Variants in NCKAP5 observed in about 807,000 individuals in gnomAD.
The protein encoded by NCKAP5 is nck-associated protein 5.
In NCKAP5, 92 loss-of-function variants were observed where a neutral mutation model predicts 167.0. The observed-to-expected ratio is 0.55, with a 90% CI of 0.47 to 0.66. The LOEUF is 0.66. Ranked by LOEUF, NCKAP5 falls within the 30% of genes least tolerant of loss-of-function variation. The pLI is 0.00. For synonymous variants in NCKAP5, 891 were observed against 877.4 expected, an observed-to-expected ratio of 1.02 and a Z score of -0.27; for missense variants, 2,378 against 2,315.0, an observed-to-expected ratio of 1.03 and a Z score of -0.56.
Position 133,119,325 on chromosome 2 carries a change from A to G in NCKAP5, c.341+10653T>C, listed in dbSNP as rs1223777021. 2.6e-5 allele frequency among the ~76,000 whole-genome samples: 4 copies of G among 152,072 alleles called. No individual in the cohort carries two copies. In the East Asian group the frequency reaches 5.8e-4, roughly 22 times the overall value. On this transcript the variant is annotated intron_variant, in intron 6 of 19. Coordinates refer to ENST00000409261, the MANE Select transcript of NCKAP5 (RefSeq NM_207363.3). ...GGCCCAGTTTTCCTTTTAATTTGCT[A>G]TAATTGTATCTATCCCACTGGCTCA...
At chr2:132,733,174 A>C (rs927707747) in intron 16 of NCKAP5, among the ~76,000 whole-genome samples, 1 of 152,192 alleles carries the variant, frequency 6.6e-6, no homozygotes, top group Admixed American at 6.5e-5. Context: ...GTGGTTTATC[A>C]AGGCCAATGA....
chr2:133,257,293 C>A (rs1048164501), intron 4 of NCKAP5, among the ~76,000 whole-genome samples: 6 of 152,058 alleles, frequency 3.9e-5, no homozygotes, highest in Non-Finnish European at 8.8e-5. Context: ...AAATTGCAAA[C>A]AACAAAAGAG....
chr2:133,123,240 G>GT (rs1459861240), intron 6 of NCKAP5: 1 of 152,460 alleles, frequency 6.6e-6, no homozygotes, highest in East Asian at 1.9e-4. Context: ...ATAAAGTAAT[G>GT]TTCAGCTTTC....
At chr2:132,686,638 T>C (rs559686075) in intron 19 of NCKAP5, among the ~76,000 whole-genome samples, 36 of 152,264 alleles carry the variant, frequency 2.4e-4, no homozygotes, top group South Asian at 1.9e-3. Flanking sequence ...GTCATCCTTT[T>C]CCCCCCTATC....
chr2:133,370,720 T>C (rs939555400), intron 3 of NCKAP5, among the ~76,000 whole-genome samples: 5 of 151,506 alleles, frequency 3.3e-5, no homozygotes, highest in Admixed American at 1.3e-4. Context: ...TTTTTTTGCA[T>C]TTTTTAAAAT....
intron 6 of NCKAP5, among the ~76,000 whole-genome samples, chr2:133,003,401 A>C (rs1299832290): frequency 2.0e-5 from 3 of 152,184 alleles, no homozygotes; most frequent in Non-Finnish European, 4.4e-5. Context: ...TCCAAGAGCA[A>C]ATTGTTCATG....
At chr2:132,776,457 T>C (rs1682555907) in intron 15 of NCKAP5, among the ~76,000 whole-genome samples, 1 of 152,202 alleles carries the variant, frequency 6.6e-6, no homozygotes, top group South Asian at 2.1e-4. Context: ...AAACACTAAA[T>C]GTGGCCTCTG....
the NCKAP5 span, among the ~76,000 whole-genome samples, chr2:133,661,816 T>TG: frequency 1.3e-5 from 2 of 152,208 alleles, no homozygotes; most frequent in Non-Finnish European, 2.9e-5. Flanking sequence ...TTGTGTTCAC[T>TG]GGTGCCTTAT....
intron 16 of NCKAP5, among the ~76,000 whole-genome samples, chr2:132,759,873 T>C (rs539820254): frequency 2.0e-5 from 3 of 152,008 alleles, no homozygotes; most frequent in Non-Finnish European, 4.4e-5. Flanking sequence ...AGCTTTTCTG[T>C]ATTTTTCTTT....
At chr2:133,292,332 G>A (rs964525209) in intron 4 of NCKAP5, among the ~76,000 whole-genome samples, 9 of 149,634 alleles carry the variant, frequency 6.0e-5, no homozygotes, top group African/African-American at 9.8e-5. Flanking sequence ...GCACTTTGTC[G>A]CTTCTTACTG....
At chr2:133,584,678 T>C in the NCKAP5 span, among the ~76,000 whole-genome samples, 6 of 152,062 alleles carry the variant, frequency 3.9e-5, no homozygotes, top group East Asian at 9.7e-4. Flanking sequence ...GCAGGAGAAT[T>C]GCTTGAACCC....
chr2:133,629,263 T>C, the NCKAP5 span, among the ~76,000 whole-genome samples: 4 of 152,058 alleles, frequency 2.6e-5, no homozygotes, highest in African/African-American at 9.7e-5. Flanking sequence ...ATATCCAGAA[T>C]CTACAAGGAA....
chr2:133,006,631 T>C (rs59176418), intron 6 of NCKAP5, among the ~76,000 whole-genome samples: 1 of 152,110 alleles, frequency 6.6e-6, no homozygotes, highest in Non-Finnish European at 1.5e-5. Context: ...ATTTTATTTT[T>C]TTTTTGACAC....
At chr2:132,743,961 T>A (rs1448111966) in intron 16 of NCKAP5, among the ~76,000 whole-genome samples, 1 of 151,866 alleles carries the variant, frequency 6.6e-6, no homozygotes, top group Non-Finnish European at 1.5e-5. Flanking sequence ...AAATATGTTA[T>A]AGTTATAACA....
chr2:133,536,826 T>G (rs527632592), intron 2 of NCKAP5, among the ~76,000 whole-genome samples: 1 of 152,158 alleles, frequency 6.6e-6, no homozygotes, highest in Non-Finnish European at 1.5e-5. Context: ...ATGTCCAAGC[T>G]ATCTGTTTTT....
intron 19 of NCKAP5, among the ~76,000 whole-genome samples, chr2:132,676,638 A>G (rs1684535219): frequency 6.6e-6 from 1 of 152,210 alleles, no homozygotes; most frequent in Admixed American, 6.5e-5. Flanking sequence ...TAATGTGTTA[A>G]TGATCTATCT....
At chr2:133,321,141 G>T (rs974391933) in intron 3 of NCKAP5, among the ~76,000 whole-genome samples, 7 of 152,114 alleles carry the variant, frequency 4.6e-5, no homozygotes, top group African/African-American at 1.7e-4. Context: ...GGAATAAAGG[G>T]GTTTCCAGCT....
At chr2:133,233,500 C>T (rs2087249079) in intron 4 of NCKAP5, among the ~76,000 whole-genome samples, 1 of 152,074 alleles carries the variant, frequency 6.6e-6, no homozygotes, top group South Asian at 2.1e-4. Context: ...TGAATATATT[C>T]ATCCATATAT....
chr2:132,802,127 G>A (rs140741864), intron 11 of NCKAP5, among the ~76,000 whole-genome samples: 3 of 152,216 alleles, frequency 2.0e-5, no homozygotes, highest in Non-Finnish European at 2.9e-5. Context: ...AGTTTTAACC[G>A]TTCAGCACCT....
Sources: allele counts gnomAD v4.1 joint callset (sites outside exome capture counted in the v4.1 genomes callset), GRCh38; gene constraint gnomAD v4.1.1; transcripts MANE v1.5; gene names NCBI Gene and HGNC (gene_info 2026-07-23, HGNC 2026-07-21).